Variants in NRG3 observed in about 807,000 individuals in gnomAD.
NRG3 encodes the protein pro-neuregulin-3, membrane-bound isoform.
A neutral mutation model predicts 66.9 loss-of-function variants in NRG3; 31 were observed. That is an observed-to-expected ratio of 0.46 (90% confidence interval 0.35 to 0.63). The LOEUF is 0.63. Among genes scored for constraint, NRG3 ranks in the 20% least tolerant of loss-of-function variants. The pLI, the probability that NRG3 is intolerant of heterozygous loss-of-function variation, is 0.00. For synonymous variants in NRG3, 393 were observed against 359.4 expected, an observed-to-expected ratio of 1.09 and a Z score of -1.06; for missense variants, 910 against 878.9, an observed-to-expected ratio of 1.04 and a Z score of -0.45.
chr10:82,949,219 G>A (rs929332686), intron 4 of NRG3, among the ~76,000 whole-genome samples: 3 of 151,914 alleles, frequency 2.0e-5, no homozygotes, highest in African/African-American at 7.3e-5. Context: ...TTGCATTTTT[G>A]TGTATAAACC....
intron 3 of NRG3, among the ~76,000 whole-genome samples, chr10:82,741,423 C>T (rs1349986388): frequency 6.6e-6 from 1 of 152,152 alleles, no homozygotes; most frequent in Non-Finnish European, 1.5e-5. Context: ...TGAGCAATGG[C>T]AACAGTAATA....
chr10:82,715,028 C>G (rs1343733132), intron 2 of NRG3, among the ~76,000 whole-genome samples: 1 of 152,146 alleles, frequency 6.6e-6, no homozygotes, highest in Non-Finnish European at 1.5e-5. Flanking sequence ...TTTCCACCCA[C>G]CATCATCAGC....
At chr10:82,659,581 T>C (rs1411982762) in intron 2 of NRG3, among the ~76,000 whole-genome samples, 4 of 152,036 alleles carry the variant, frequency 2.6e-5, no homozygotes, top group Admixed American at 2.6e-4. Flanking sequence ...GGGGTGAAGG[T>C]TGCAGAGAGC....
chr10:82,444,093 A>C (rs765052283), intron 2 of NRG3, among the ~76,000 whole-genome samples: 3 of 152,132 alleles, frequency 2.0e-5, no homozygotes, highest in Non-Finnish European at 4.4e-5. Context: ...TCTTAAAAAA[A>C]ATTTGTTGTT....
At chr10:82,193,028 A>G (rs1025821238) in intron 1 of NRG3, among the ~76,000 whole-genome samples, 4 of 152,064 alleles carry the variant, frequency 2.6e-5, no homozygotes, top group Non-Finnish European at 5.9e-5. Context: ...AGGTAGAGAG[A>G]GAAGAGCTTA....
chr10:82,980,102 G>A (rs960164607), intron 8 of NRG3, among the ~76,000 whole-genome samples: 1 of 152,018 alleles, frequency 6.6e-6, no homozygotes, highest in East Asian at 1.9e-4. Context: ...CTGCTTGGGA[G>A]GCTGAGGTGG....
intron 1 of NRG3, among the ~76,000 whole-genome samples, chr10:81,922,425 C>T (rs1846343006): frequency 6.6e-6 from 1 of 152,260 alleles, no homozygotes; most frequent in African/African-American, 2.4e-5. Flanking sequence ...TCCACCCTTC[C>T]AAGTTTCTAA....
At chr10:82,230,145 T>C (rs563227360) in intron 1 of NRG3, 3 of 152,332 alleles carry the variant, frequency 2.0e-5, no homozygotes, top group Admixed American at 2.0e-4. Flanking sequence ...AATCTTTTGT[T>C]TGGAAGCCCA....
chr10:82,654,835 G>C (rs746492514), intron 2 of NRG3, among the ~76,000 whole-genome samples: 1 of 151,970 alleles, frequency 6.6e-6, no homozygotes, highest in Non-Finnish European at 1.5e-5. Flanking sequence ...ACCTTCCTTG[G>C]TGGCTGAATC....
At chr10:82,656,308 C>CTTTT (rs3040205) in intron 2 of NRG3, among the ~76,000 whole-genome samples, 4 of 132,032 alleles carry the variant, frequency 3.0e-5, no homozygotes, top group Non-Finnish European at 4.7e-5. Flanking sequence ...TTTCTTTTTT[C>CTTTT]TTTTTTTTTT....
chr10:82,396,849 T>G (rs1312561977), intron 2 of NRG3, among the ~76,000 whole-genome samples: 1 of 152,166 alleles, frequency 6.6e-6, no homozygotes. Context: ...TCTAAGTCTT[T>G]TTTCCTATAA....
chr10:82,586,278 C>A, intron 2 of NRG3, among the ~76,000 whole-genome samples: 1 of 149,762 alleles, frequency 6.7e-6, no homozygotes, highest in Admixed American at 6.6e-5. Context: ...CAAAGCTAAA[C>A]TGAGAAATAT....
chr10:82,407,668 C>T (rs1391584636), intron 2 of NRG3, among the ~76,000 whole-genome samples: 1 of 152,138 alleles, frequency 6.6e-6, no homozygotes, highest in Non-Finnish European at 1.5e-5. Context: ...GCTTTTATGA[C>T]TACTGTATAC....
chr10:82,336,195 G>A (rs2082376429), intron 1 of NRG3, among the ~76,000 whole-genome samples: 1 of 152,034 alleles, frequency 6.6e-6, no homozygotes, highest in Non-Finnish European at 1.5e-5. Flanking sequence ...ATTTTACTAG[G>A]TGTGTACCAA....
intron 1 of NRG3, among the ~76,000 whole-genome samples, chr10:82,066,279 A>G (rs1474076988): frequency 6.6e-6 from 1 of 152,146 alleles, no homozygotes; most frequent in African/African-American, 2.4e-5. Context: ...GAATGTAAAT[A>G]TACATCTACA....
intron 2 of NRG3, among the ~76,000 whole-genome samples, chr10:82,670,251 GT>G (rs1028235621): frequency 5.8e-4 from 88 of 151,394 alleles, no homozygotes; most frequent in Middle Eastern, 6.8e-3. Context: ...TCACATCTCT[GT>G]TTTTTTTCTA....
intron 1 of NRG3, among the ~76,000 whole-genome samples, chr10:82,003,626 G>A (rs913832905): frequency 1.3e-5 from 2 of 152,170 alleles, no homozygotes; most frequent in Non-Finnish European, 2.9e-5. Flanking sequence ...AAGTCGAGAA[G>A]GATGCTTGGA....
At position 82,253,782 on chromosome 10, in the gene NRG3, C is replaced by T. The variant is rs145886738; in HGVS notation, c.824-104957C>T. 3.8e-3 allele frequency among the ~76,000 whole-genome samples: 579 copies of T among 152,318 alleles called. 3 individuals are homozygous for T. Among genetic ancestry groups the T allele is most frequent in the African/African-American group, 0.013 (546 of 41,576 alleles). Reference sequence around the variant, plus strand: ...TAAGATAAAATAAAAATTCTTACCTCGGTTATCCTACAAGTATTGGTTCAT... The same window carrying T: ...TAAGATAAAATAAAAATTCTTACCTTGGTTATCCTACAAGTATTGGTTCAT... On this transcript the variant is annotated intron_variant, in intron 1 of 8. Coordinates refer to ENST00000372141, the MANE Select transcript of NRG3 (RefSeq NM_001010848.4).
chr10:82,233,538 T>G (rs2133917366), intron 1 of NRG3, among the ~76,000 whole-genome samples: 1 of 152,328 alleles, frequency 6.6e-6, no homozygotes, highest in Middle Eastern at 3.4e-3. Context: ...CCTCACTTTC[T>G]TTCTATCATG....
Sources: allele counts gnomAD v4.1 joint callset (sites outside exome capture counted in the v4.1 genomes callset), GRCh38; gene constraint gnomAD v4.1.1; transcripts MANE v1.5; gene names NCBI Gene and HGNC (gene_info 2026-07-23, HGNC 2026-07-21).